Variants in NRXN1 observed in about 807,000 individuals in gnomAD.
NRXN1 encodes the protein neurexin 1, also known as neurexin-1.
NRXN1 carries 39 observed loss-of-function variants against 150.9 expected under a neutral mutation model. The observed-to-expected ratio is 0.26, with a 90% confidence interval of 0.20 to 0.34. NRXN1 has a LOEUF of 0.34. Among genes scored for constraint, NRXN1 ranks in the 10% least tolerant of loss-of-function variants. The pLI, the probability that NRXN1 is intolerant of heterozygous loss-of-function variation, is 1.00. For missense variants in NRXN1, 1,815 were observed against 1,949.9 expected (o/e 0.93, Z 1.30); for synonymous variants, 924 against 757.0 (o/e 1.22, Z -3.62).
chr2:50,676,062 G>A (rs1223561755), intron 5 of NRXN1, among the ~76,000 whole-genome samples: 1 of 152,124 alleles, frequency 6.6e-6, no homozygotes, highest in Non-Finnish European at 1.5e-5. Flanking sequence ...GTAGGTGTTT[G>A]GGTCATGGGG....
chr2:50,281,325 T>C lies in NRXN1; in HGVS notation c.3365-44355A>G, dbSNP rs926720112. Among the ~76,000 whole-genome samples the C allele has an allele frequency of 6.7e-5, 10 of 149,798 alleles. 1 individual carries two copies. The highest frequency in any genetic ancestry group is 2.5e-4 in the African/African-American group (10 of 39,780). On this transcript the variant is annotated intron_variant, in intron 17 of 22. Coordinates refer to ENST00000401669, the MANE Select transcript of NRXN1 (RefSeq NM_001330078.2). ...GAGCAAGACTCCGTCTCAAAAACAA[T>C]AATAATAATAATAATCCATAATAGT...
At chr2:50,630,952 G>C (rs1373943508) in intron 5 of NRXN1, 3 of 343,126 alleles carry the variant, frequency 8.7e-6, no homozygotes, top group Non-Finnish European at 1.7e-5. Flanking sequence ...AACAACTTTA[G>C]AAAAGCAGAA....
chr2:50,984,502 T>C (rs915227905), intron 2 of NRXN1, among the ~76,000 whole-genome samples: 8 of 152,222 alleles, frequency 5.3e-5, no homozygotes, highest in African/African-American at 1.4e-4. Flanking sequence ...GCCTACTATA[T>C]ACAGGGTATT....
chr2:50,359,781 G>C (rs1336996793), intron 17 of NRXN1, among the ~76,000 whole-genome samples: 2 of 151,980 alleles, frequency 1.3e-5, no homozygotes, highest in Non-Finnish European at 1.5e-5. Flanking sequence ...TCCTCAAGAA[G>C]AGCAACCCCA....
chr2:50,145,409 G>T (rs139003620), intron 18 of NRXN1, among the ~76,000 whole-genome samples: 174 of 151,318 alleles, frequency 1.1e-3, no homozygotes, highest in African/African-American at 4.0e-3. Flanking sequence ...TAATAATATC[G>T]TCTTACATAA....
rs969738101 is a variant in NRXN1, at chr2:50,439,307, G to A, written c.3364+26135C>T. Among the ~76,000 whole-genome samples the A allele has an allele frequency of 1.1e-4, 16 of 152,290 alleles. No individual in the cohort carries two copies. In the South Asian group the frequency reaches 3.3e-3, roughly 32 times the overall value. On this transcript the variant is annotated intron_variant, in intron 17 of 22. Coordinates refer to ENST00000401669, the MANE Select transcript of NRXN1 (RefSeq NM_001330078.2). ...CAGTAAGCATAAGGTAGACAACAGT[G>A]CACTAAGTTTTAGAACATAGAGAAA...
chr2:50,680,787 T>C (rs1425884327), intron 5 of NRXN1, among the ~76,000 whole-genome samples: 1 of 150,572 alleles, frequency 6.6e-6, no homozygotes, highest in Non-Finnish European at 1.5e-5. Flanking sequence ...AAGCATGCAG[T>C]GGAAAAAAAG....
intron 12 of NRXN1, among the ~76,000 whole-genome samples, chr2:50,507,290 A>G (rs535595046): frequency 6.6e-6 from 1 of 152,140 alleles, no homozygotes; most frequent in Non-Finnish European, 1.5e-5. Context: ...GTACGTCACA[A>G]ATCTGTCTGT....
chr2:50,339,112 C>A (rs1448029338), intron 17 of NRXN1, among the ~76,000 whole-genome samples: 1 of 152,080 alleles, frequency 6.6e-6, no homozygotes, highest in African/African-American at 2.4e-5. Flanking sequence ...ATCAAAAAAA[C>A]CATGATTATC....
chr2:50,585,229 C>T (rs573432068), intron 8 of NRXN1, among the ~76,000 whole-genome samples: 70 of 151,944 alleles, frequency 4.6e-4, no homozygotes. Flanking sequence ...CATGTAAGAC[C>T]GGGACAAAAA....
chr2:50,081,707 A>G (rs1478685240), intron 19 of NRXN1, among the ~76,000 whole-genome samples: 12 of 152,214 alleles, frequency 7.9e-5, no homozygotes, highest in Non-Finnish European at 1.8e-4. Context: ...CACATAGTAC[A>G]GTTTTAAAAA....
chr2:50,166,966 T>C (rs2059726869), intron 18 of NRXN1, among the ~76,000 whole-genome samples: 1 of 152,102 alleles, frequency 6.6e-6, no homozygotes, highest in Non-Finnish European at 1.5e-5. Context: ...GGCACCAATA[T>C]AATTTGGCCA....
At chr2:50,455,129 T>C (rs1228938599) in intron 17 of NRXN1, among the ~76,000 whole-genome samples, 2 of 152,050 alleles carry the variant, frequency 1.3e-5, no homozygotes, top group African/African-American at 2.4e-5. Context: ...TGCTGTAGAG[T>C]TGTCGCATAA....
chr2:50,148,244 G>A (rs1412638029), intron 18 of NRXN1, among the ~76,000 whole-genome samples: 1 of 151,484 alleles, frequency 6.6e-6, no homozygotes, highest in African/African-American at 2.4e-5. Context: ...GGACTCTAGA[G>A]GCAACAGCTC....
intron 17 of NRXN1, among the ~76,000 whole-genome samples, chr2:50,273,856 C>G (rs2070048334): frequency 6.6e-6 from 1 of 152,038 alleles, no homozygotes; most frequent in South Asian, 2.1e-4. Flanking sequence ...GAATGGCGAT[C>G]ATTAAAAAGT....
chr2:50,529,316 A>T (rs1014528682), intron 11 of NRXN1, among the ~76,000 whole-genome samples: 5 of 152,194 alleles, frequency 3.3e-5, no homozygotes, highest in African/African-American at 1.2e-4. Flanking sequence ...TTCAAGGCAC[A>T]CAAGCCTATG....
rs922544195 is a variant in NRXN1, at chr2:50,563,928, G to T, written c.1321-10903C>A. On this transcript the variant is annotated intron_variant, in intron 8 of 22. Transcript: ENST00000401669. ...AGAGCCTGCAAACGAAACAGGAAAA[G>T]GTGGCATTTAAGACAGCCAATGCTG... 3.9e-5 allele frequency among the ~76,000 whole-genome samples: 6 copies of T among 152,124 alleles called. No individual in the cohort carries two copies. The South Asian group carries it at 1.2e-3, about 32-fold the overall frequency.
At chr2:50,135,776 A>T (rs1198704733) in intron 18 of NRXN1, among the ~76,000 whole-genome samples, 1 of 152,218 alleles carries the variant, frequency 6.6e-6, no homozygotes, top group Non-Finnish European at 1.5e-5. Flanking sequence ...GGCCATGATT[A>T]TTTTGGCTGT....
intron 19 of NRXN1, among the ~76,000 whole-genome samples, chr2:50,063,500 G>A (rs1263837240): frequency 2.0e-5 from 3 of 149,304 alleles, no homozygotes; most frequent in African/African-American, 2.5e-5. Context: ...TTTGCATTGC[G>A]AATTTCTTGC....
Sources: allele counts gnomAD v4.1 joint callset (sites outside exome capture counted in the v4.1 genomes callset), GRCh38; gene constraint gnomAD v4.1.1; transcripts MANE v1.5; gene names NCBI Gene and HGNC (gene_info 2026-07-23, HGNC 2026-07-21).